The following ZKSCAN3 variants were observed in gnomAD, a reference collection of about 807,000 sequenced individuals.
ZKSCAN3 encodes the protein zinc finger protein with KRAB and SCAN domains 3.
A neutral mutation model predicts 30.7 loss-of-function variants in ZKSCAN3; 21 were observed. The observed-to-expected ratio is 0.68, with a 90% CI of 0.49 to 0.99. The LOEUF is 0.99. Among genes scored for constraint, ZKSCAN3 ranks in the 50% least tolerant of loss-of-function variants. The pLI is 0.00. For synonymous variants in ZKSCAN3, 201 were observed against 246.7 expected (o/e 0.81, Z 1.73); for missense variants, 507 against 647.1 (o/e 0.78, Z 2.35).
Position 28,359,736 on chromosome 6 carries a change from A to G in ZKSCAN3, c.150A>G (p.Arg50=). 6.2e-7 allele frequency: 1 copy of G among 1,614,132 alleles called. No individual in the cohort carries two copies. Among genetic ancestry groups the G allele is most frequent in the South Asian group, 1.1e-5 (1 of 91,084 alleles). ...LGSEGSRERF[R]GFRYPEAAGP... The stretch of plus-strand genomic sequence containing the variant: ...CTGAGGGCTCCCGCGAGCGCTTCCG[A>G]GGCTTCCGCTACCCGGAGGCTGCAG... The change falls in exon 2 of 6, where the codon CGA becomes CGG. Residue 50 remains arginine, a synonymous_variant. Coordinates refer to ENST00000252211, the MANE Select transcript of ZKSCAN3 (RefSeq NM_024493.4).
intron 4 of ZKSCAN3, 73 bp downstream of exon 4, chr6:28,363,458 C>T: frequency 3.5e-6 from 5 of 1,429,526 alleles, no homozygotes; most frequent in Non-Finnish European, 4.9e-6. Flanking sequence ...TCCTCACTCC[C>T]CATTCCCCTC....
rs1304456943 is a variant in ZKSCAN3 at position 28,365,547 on chromosome 6, A to G, written c.879A>G (p.Glu293=). 1 of 1,614,148 alleles carries G rather than the reference A, an allele frequency of 6.2e-7. No homozygotes were observed. The highest frequency in any genetic ancestry group is 8.5e-7 in the Non-Finnish European group (1 of 1,180,058). ...EDIAQIPTCA[E]AGEQEGRLQR... is the part of the protein sequence containing the mutation. ...TTGCCCAGATTCCTACATGTGCAGA[A>G]GCTGGTGAACAGGAGGGCAGGCTAC... Residue 293 remains glutamate (E), a synonymous_variant, in exon 6 of 6, where the codon GAA becomes GAG. Coordinates refer to ENST00000252211, the MANE Select transcript of ZKSCAN3 (RefSeq NM_024493.4).
rs1455452037 is a variant in ZKSCAN3 at position 28,359,939 on chromosome 6, T to G, written c.353T>G (p.Val118Gly). The change falls in exon 2 of 6, where the codon GTG becomes GGG. Residue 118 changes from valine to glycine, a missense_variant. Transcript: ENST00000252211. ...CATCCAGAGAGCGGGGAGGAGGTGG[T>G]GGTGCTATTGGAGTATTTGGAGAGG... ...EQHPESGEEVVVLLEYLERQL... is the reference protein window; with the variant it reads ...EQHPESGEEVGVLLEYLERQL... 4 of 1,613,842 alleles carry G rather than the reference T, an allele frequency of 2.5e-6. No homozygotes were observed. Among genetic ancestry groups the G allele is most frequent in the Non-Finnish European group, 3.4e-6 (4 of 1,180,000 alleles).
chr6:28,358,396 A>G (rs190373602), intron 1 of ZKSCAN3, among the ~76,000 whole-genome samples: 43 of 152,256 alleles, frequency 2.8e-4, no homozygotes, highest in African/African-American at 9.9e-4. Context: ...TAAACCAAAT[A>G]CAATGTAAAT....
At position 28,351,564 on chromosome 6, in the gene ZKSCAN3, T is replaced by C. The variant is rs1358439751; in HGVS notation, c.-63+1497T>C. ...TATAACCATGACTCAGCTTCAGCCA[T>C]CATCTTTTGGTCATTTTCTTTCATT... On this transcript the variant is annotated intron_variant, in intron 1 of 5. Coordinates refer to ENST00000252211, the MANE Select transcript of ZKSCAN3 (RefSeq NM_024493.4). This position sits in a 1 kb window ranked among gnomAD's most constrained non-coding sequence, Gnocchi z 4.6. Among the ~76,000 whole-genome samples the C allele has an allele frequency of 6.6e-6, 1 of 152,172 alleles. No individual in the cohort carries two copies. Among genetic ancestry groups the C allele is most frequent in the Non-Finnish European group, 1.5e-5 (1 of 68,018 alleles).
chr6:28,360,200 C>G (rs530125176), intron 2 of ZKSCAN3: 2 of 837,538 alleles, frequency 2.4e-6, no homozygotes, highest in South Asian at 3.6e-5. Context: ...CAAAAGAACG[C>G]AGTCATATCA....
intron 1 of ZKSCAN3, among the ~76,000 whole-genome samples, chr6:28,352,632 T>G (rs1010020264): frequency 6.6e-6 from 1 of 152,238 alleles, no homozygotes; most frequent in Non-Finnish European, 1.5e-5. Flanking sequence ...TTTGAAAGCC[T>G]TTAATGTAAT....
At chr6:28,362,894 G>A (rs890491286) in intron 3 of ZKSCAN3, among the ~76,000 whole-genome samples, 3 of 152,248 alleles carry the variant, frequency 2.0e-5, no homozygotes, top group Admixed American at 2.0e-4. Context: ...CCTATCTCTA[G>A]CAAAATTCAA....
At chr6:28,360,684 G>A (rs1765716060) in intron 2 of ZKSCAN3, 2 of 985,288 alleles carry the variant, frequency 2.0e-6, no homozygotes, top group Non-Finnish European at 2.4e-6. Context: ...TCTAAATGGT[G>A]AGCTGGATAC....
At chr6:28,362,868 A>T (rs1765818322) in intron 3 of ZKSCAN3, among the ~76,000 whole-genome samples, 2 of 152,124 alleles carry the variant, frequency 1.3e-5, no homozygotes. Context: ...TACTCACCCA[A>T]AATCCGATTT....
At chr6:28,361,555 G>T in intron 3 of ZKSCAN3, 84 bp downstream of exon 3, 1 of 1,479,576 alleles carries the variant, frequency 6.8e-7, no homozygotes, top group Non-Finnish European at 9.1e-7. Flanking sequence ...TCATTGATAG[G>T]GGGCTTATGT....
Position 28,365,897 on chromosome 6 carries a change from G to A in ZKSCAN3, c.1229G>A (p.Ser410Asn). Reference sequence around the variant, plus strand: ...GACTGTGGGAAGACCTTCAGCCAGAGCTGCAGCCTCCTTGAACATCACAGA... The same window carrying A: ...GACTGTGGGAAGACCTTCAGCCAGAACTGCAGCCTCCTTGAACATCACAGA... ...CDDCGKTFSQ[S>N]CSLLEHHRIH... Residue 410 changes from serine to asparagine, a missense_variant, in exon 6 of 6, where the codon AGC (serine) becomes AAC (asparagine). Coordinates refer to ENST00000252211, the MANE Select transcript of ZKSCAN3 (RefSeq NM_024493.4). 6.2e-7 allele frequency: 1 copy of A among 1,613,302 alleles called. No individual in the cohort carries two copies. The highest frequency in any genetic ancestry group is 8.5e-7 in the Non-Finnish European group (1 of 1,179,560).
intron 1 of ZKSCAN3, among the ~76,000 whole-genome samples, chr6:28,357,549 G>A (rs1287574747): frequency 1.3e-5 from 2 of 152,194 alleles, no homozygotes; most frequent in Admixed American, 6.5e-5. Context: ...CCTGAGAAGA[G>A]GCCATGGAAA....
chr6:28,359,367 G>A (rs967811335), intron 1 of ZKSCAN3, among the ~76,000 whole-genome samples, 158 bp from the exon 2 acceptor site: 2 of 152,070 alleles, frequency 1.3e-5, no homozygotes, highest in Non-Finnish European at 2.9e-5. Context: ...CCTTACTATG[G>A]GATTCAGGTT....
chr6:28,349,920 T>C (rs1041818582), upstream of ZKSCAN3: 1 of 152,224 alleles, frequency 6.6e-6, no homozygotes, highest in African/African-American at 2.4e-5. The surrounding 1 kb of genome is among the most constrained non-coding windows in gnomAD (Gnocchi z 4.1). Context: ...CGGAAGTGGC[T>C]TCTGTGCCCC....
chr6:28,366,364 A>G lies in ZKSCAN3; in HGVS notation c.*79A>G, dbSNP rs1398730145. The G allele has an allele frequency of 5.6e-6, 8 of 1,429,580 alleles. No individual in the cohort carries two copies. The African/African-American group carries it at 9.9e-5, about 18-fold the overall frequency. 88.6% of individuals were successfully genotyped at this position (1,429,580 alleles called of 1,614,324 possible). On this transcript the variant is annotated 3_prime_UTR_variant, in exon 6 of 6. Transcript: ENST00000252211. ...TCCCCCTGGAGTCTCAACTATAGAA[A>G]TTGTGGGCTGGGCTTTATTTACCAC...
At chr6:28,350,387 AG>A (rs1277534520) in intron 1 of ZKSCAN3, 5 of 152,224 alleles carry the variant, frequency 3.3e-5, no homozygotes, top group Non-Finnish European at 5.9e-5. Context: ...CCTGGTAACA[AG>A]GTCAGTTTCA....
intron 1 of ZKSCAN3, chr6:28,356,309 A>C (rs1054726601): frequency 6.6e-6 from 1 of 152,226 alleles, no homozygotes; most frequent in African/African-American, 2.4e-5. Context: ...GTCTATATAC[A>C]ACTGCCATCT....
intron 5 of ZKSCAN3, among the ~76,000 whole-genome samples, chr6:28,364,295 T>G (rs568615092): frequency 4.6e-5 from 7 of 152,228 alleles, no homozygotes; most frequent in African/African-American, 1.7e-4. Flanking sequence ...TTATCCCTTC[T>G]GACCTTGCTT....
Sources: allele counts gnomAD v4.1 joint callset (sites outside exome capture counted in the v4.1 genomes callset), GRCh38; gene constraint gnomAD v4.1.1; non-coding constraint Gnocchi (gnomAD v3.1); transcripts MANE v1.5; gene names NCBI Gene and HGNC (gene_info 2026-07-23, HGNC 2026-07-21).